TIPIN: variants seen among roughly 807,000 people sequenced by gnomAD.
TIPIN encodes TIMELESS interacting protein.
TIPIN carries 29 observed loss-of-function variants against 35.6 expected under a neutral mutation model. That is an observed-to-expected ratio of 0.82 (90% confidence interval 0.61 to 1.11). The LOEUF (loss-of-function observed/expected upper bound fraction) is 1.11, where lower values mean the gene tolerates loss of function less well. TIPIN is among the 50% of genes most tolerant of loss of function. The pLI, the probability that TIPIN is intolerant of heterozygous loss-of-function variation, is 0.00. For missense variants in TIPIN, 296 were observed against 345.4 expected (o/e 0.86, Z 1.13); for synonymous variants, 102 against 121.5 (o/e 0.84, Z 1.06).
intron 6 of TIPIN, among the ~76,000 whole-genome samples, chr15:66,346,101 TAC>T (rs1477920913): frequency 6.6e-6 from 1 of 152,002 alleles, no homozygotes. Context: ...CATGTGCCAC[TAC>T]GCCAGGCTAA....
intron 3 of TIPIN, 43 bp from the exon 4 acceptor site, chr15:66,351,643 T>TTTA (rs758737698): frequency 1.5e-6 from 2 of 1,352,324 alleles, no homozygotes; most frequent in Non-Finnish European, 2.0e-6. Flanking sequence ...TTTATTTTCT[T>TTTA]TTTTTTTTTT....
intron 1 of TIPIN, among the ~76,000 whole-genome samples, chr15:66,361,927 C>T (rs34770766): frequency 0.072 from 10,928 of 151,998 alleles, 453 homozygotes; most frequent in Middle Eastern, 0.11. Context: ...TGCAGTGAGC[C>T]GAGATTGTGC....
chr15:66,349,358 A>G lies in TIPIN; in HGVS notation c.368T>C (p.Phe123Ser). ...TCCCAGGTATTCAACTCTGTCAATA[A>G]AATCCTCAAACTGCAGTTTAGGGAA... ...RLFPKLQFED[F>S]IDRVEYLGSK... Residue 123 changes from phenylalanine (F) to serine (S), a missense_variant, in exon 5 of 8, where the codon TTT (phenylalanine) becomes TCT (serine). Coordinates refer to ENST00000261881, the MANE Select transcript of TIPIN (RefSeq NM_017858.3). 6.2e-7 allele frequency: 1 copy of G among 1,614,082 alleles called. No homozygotes were observed. The highest frequency in any genetic ancestry group is 8.5e-7 in the Non-Finnish European group (1 of 1,180,018).
chr15:66,379,606 C>T lies in TIPIN; in HGVS notation c.-9+7001G>A, dbSNP rs1304460315. The T allele has an allele frequency of 3.7e-6, 6 of 1,610,314 alleles. No homozygotes were observed. In the African/African-American group the frequency reaches 5.3e-5, roughly 14 times the overall value. On this transcript the variant is annotated intron_variant, in intron 1 of 7. Transcript: ENST00000562124. ...ACAACAGACCCATTCTCCGGGATAACGACGATGATGGGGAAGTAAGCATAC... is the reference window on the plus strand; with the variant it reads ...ACAACAGACCCATTCTCCGGGATAATGACGATGATGGGGAAGTAAGCATAC...
intron 1 of TIPIN, among the ~76,000 whole-genome samples, chr15:66,367,673 A>T (rs2093261862): frequency 6.7e-6 from 1 of 150,294 alleles, no homozygotes; most frequent in Non-Finnish European, 1.5e-5. Context: ...GATTACAGAC[A>T]TGAGCCACCA....
intron 1 of TIPIN, among the ~76,000 whole-genome samples, chr15:66,365,900 A>C (rs2093252144): frequency 6.6e-6 from 1 of 151,774 alleles, no homozygotes; most frequent in East Asian, 1.9e-4. Context: ...CTTTCACTTT[A>C]CTCTGTGGAC....
At chr15:66,346,211 G>C (rs2140451464) in intron 6 of TIPIN, among the ~76,000 whole-genome samples, 1 of 150,136 alleles carries the variant, frequency 6.7e-6, no homozygotes, top group South Asian at 2.1e-4. Context: ...GCCTCCCAAA[G>C]TGCTAGGATT....
intron 6 of TIPIN, among the ~76,000 whole-genome samples, chr15:66,348,628 A>T (rs1025175823): frequency 2.0e-5 from 3 of 148,404 alleles, no homozygotes; most frequent in African/African-American, 7.5e-5. Flanking sequence ...CAGGAGATGG[A>T]GGTTGTAGTG....
chr15:66,379,277 A>G (rs1357919902), intron 1 of TIPIN: 19 of 1,510,694 alleles, frequency 1.3e-5, no homozygotes, highest in Non-Finnish European at 1.7e-5. Flanking sequence ...TTTAAATATC[A>G]CAAGTAGGTC....
intron 1 of TIPIN, chr15:66,379,239 C>T (rs983018801): frequency 2.3e-5 from 33 of 1,441,546 alleles, no homozygotes; most frequent in Non-Finnish European, 3.0e-5. Context: ...TTACTTTTCT[C>T]CAAATCAACA....
At chr15:66,360,980 G>C (rs1195150204), upstream of TIPIN, among the ~76,000 whole-genome samples, 1 of 151,524 alleles carries the variant, frequency 6.6e-6, no homozygotes, top group Non-Finnish European at 1.5e-5. Context: ...AAATAAATAA[G>C]AATTAGCTGG....
chr15:66,365,834 C>T lies in TIPIN; in HGVS notation c.-8-12879G>A, dbSNP rs976626349. Reference sequence around the variant, plus strand: ...TGCTGGGATTACAGGTGTGAGCCACCGCGCCCAGCCTGCTCTGCATATTAG... The same window carrying T: ...TGCTGGGATTACAGGTGTGAGCCACTGCGCCCAGCCTGCTCTGCATATTAG... On this transcript the variant is annotated intron_variant, in intron 1 of 7. Coordinates refer to the TIPIN transcript ENST00000562124. Among the ~76,000 whole-genome samples the T allele has an allele frequency of 4.6e-5, 7 of 152,018 alleles. 1 individual carries two copies. Among genetic ancestry groups the T allele is most frequent in the East Asian group, 1.9e-4 (1 of 5,164 alleles).
intron 1 of TIPIN, among the ~76,000 whole-genome samples, chr15:66,369,351 A>ATTTTTT (rs1178740176): frequency 2.4e-5 from 2 of 83,750 alleles, no homozygotes; most frequent in Non-Finnish European, 2.3e-5. Context: ...AGTTCACAAT[A>ATTTTTT]TCTTTTTTTT....
intron 1 of TIPIN, chr15:66,383,460 A>G (rs1252364961): frequency 6.9e-6 from 2 of 291,136 alleles, no homozygotes; most frequent in African/African-American, 2.3e-5. Flanking sequence ...ACAGGGTTTC[A>G]CCATGTTGGC....
At chr15:66,366,467 C>T (rs906072531) in intron 1 of TIPIN, among the ~76,000 whole-genome samples, 2 of 144,750 alleles carry the variant, frequency 1.4e-5, no homozygotes, top group African/African-American at 2.6e-5. Context: ...AAATAAAGCA[C>T]ATTAAGCTGG....
At chr15:66,341,118 T>C in intron 7 of TIPIN, 32 bp downstream of exon 7, 5 of 1,591,690 alleles carry the variant, frequency 3.1e-6, no homozygotes, top group Non-Finnish European at 4.3e-6. Context: ...GATATATTAA[T>C]GGTAGCATAT....
intron 1 of TIPIN, among the ~76,000 whole-genome samples, chr15:66,354,088 G>A (rs993587548): frequency 6.6e-6 from 1 of 152,064 alleles, no homozygotes; most frequent in Admixed American, 6.6e-5. Context: ...TTCTACCCCG[G>A]CCATTAAGTA....
intron 1 of TIPIN, chr15:66,382,267 A>C: frequency 1.2e-6 from 1 of 828,132 alleles, no homozygotes; most frequent in Non-Finnish European, 1.5e-6. Context: ...TAATCAGCCA[A>C]GGGCAGAACT....
intron 1 of TIPIN, chr15:66,383,079 C>A (rs1368970191): frequency 3.0e-6 from 2 of 674,434 alleles, no homozygotes; most frequent in Non-Finnish European, 3.7e-6. Flanking sequence ...GCCAACCCAG[C>A]ATGCATAGAA....
Sources: gnomAD v4.1 joint callset for allele counts (sites outside exome capture counted in the v4.1 genomes callset) on GRCh38, gnomAD v4.1.1 for gene constraint, MANE v1.5 for transcripts, NCBI Gene and HGNC (gene_info 2026-07-23, HGNC 2026-07-21) for gene names.